NOX4: variants seen among roughly 807,000 people sequenced by gnomAD.
The protein encoded by NOX4 is kidney oxidase-1.
In NOX4, 69 loss-of-function variants were observed where a neutral mutation model predicts 87.6. The ratio of observed to expected loss-of-function variants is 0.79; its 90% CI spans 0.65 to 0.96. The LOEUF is 0.96. NOX4 is among the 40% of genes least tolerant of loss of function. The pLI is 0.00. For missense variants in NOX4, 680 were observed against 681.5 expected, an observed-to-expected ratio of 1.00 and a Z score of 0.02; for synonymous variants, 275 against 238.2, an observed-to-expected ratio of 1.15 and a Z score of -1.42.
At chr11:89,523,269 G>T in the NOX4 span, among the ~76,000 whole-genome samples, 2 of 152,050 alleles carry the variant, frequency 1.3e-5, no homozygotes, top group Non-Finnish European at 1.5e-5. Context: ...TAATCCTCCC[G>T]CCTCAGCCTC....
chr11:89,382,512 A>T (rs142396591), intron 11 of NOX4, among the ~76,000 whole-genome samples: 2,968 of 151,982 alleles, frequency 0.02, 81 homozygotes, highest in East Asian at 0.13. Flanking sequence ...TCTGTTCCCA[A>T]TGCGACTCAT....
chr11:89,398,642 T>A (rs551413830), intron 11 of NOX4, among the ~76,000 whole-genome samples: 238 of 151,046 alleles, frequency 1.6e-3, no homozygotes, highest in African/African-American at 5.5e-3. Flanking sequence ...GAACATGTTT[T>A]ACAACATGCT....
intron 2 of NOX4, among the ~76,000 whole-genome samples, chr11:89,471,068 C>G (rs1156514067): frequency 6.6e-6 from 1 of 152,178 alleles, no homozygotes; most frequent in Non-Finnish European, 1.5e-5. Flanking sequence ...GCCCATATCC[C>G]TATCTCCACC....
the NOX4 span, among the ~76,000 whole-genome samples, chr11:89,519,863 T>C: frequency 6.6e-6 from 1 of 152,088 alleles, no homozygotes; most frequent in Admixed American, 6.6e-5. Flanking sequence ...TTGACCTAAC[T>C]CTTTTCTGCT....
chr11:89,506,561 C>T, the NOX4 span, among the ~76,000 whole-genome samples: 2 of 151,480 alleles, frequency 1.3e-5, no homozygotes, highest in African/African-American at 4.8e-5. Flanking sequence ...AAATCATGAT[C>T]TATAAAAGGA....
At chr11:89,556,855 T>C in the NOX4 span, 1 of 152,166 alleles carries the variant, frequency 6.6e-6, no homozygotes, top group African/African-American at 2.4e-5. Flanking sequence ...ATATGAAATC[T>C]CTTGGCACCA....
rs532604726 is a variant in NOX4, at chr11:89,337,573, T to C, written c.1447-58A>G. 3.4e-5 allele frequency: 54 copies of C among 1,594,986 alleles called. No individual in the cohort carries two copies. The East Asian group carries it at 1.1e-3, about 33-fold the overall frequency. On this transcript the variant is annotated intron_variant, in intron 15 of 17. Transcript: ENST00000263317. ...CAATTCTGTGGGTATACTCAGATTT[T>C]CTCCTATTCTAACATACTTGATTCT... is the stretch of plus-strand genomic sequence containing the variant.
Position 89,459,854 on chromosome 11 carries a change from T to A in NOX4, c.154-7959A>T, listed in dbSNP as rs528313317. On this transcript the variant is annotated intron_variant, in intron 2 of 17. Transcript: ENST00000263317. ...CCAAAAAAGAGCCCACAATTCCAAG[T>A]CAATCCTAAGCCAAAAGAACAAAGC... is the stretch of plus-strand genomic sequence containing the variant. Among the ~76,000 whole-genome samples, 106 of 152,202 alleles carry A rather than the reference T, an allele frequency of 7.0e-4. 3 individuals carry two copies. The highest frequency in any genetic ancestry group is 6.8e-3 in the Middle Eastern group (2 of 292).
chr11:89,438,822 A>G (rs1944273795), intron 6 of NOX4, among the ~76,000 whole-genome samples: 1 of 48,454 alleles, frequency 2.1e-5, no homozygotes, highest in Non-Finnish European at 2.9e-5. Context: ...TATATATTAT[A>G]TAATATCTTA....
At chr11:89,424,200 C>T (rs1943247563) in intron 7 of NOX4, among the ~76,000 whole-genome samples, 1 of 151,724 alleles carries the variant, frequency 6.6e-6, no homozygotes, top group Non-Finnish European at 1.5e-5. Context: ...TGTTTTGCTG[C>T]AATCGTAAGT....
chr11:89,586,607 T>C, the NOX4 span, among the ~76,000 whole-genome samples: 1 of 152,114 alleles, frequency 6.6e-6, no homozygotes, highest in Admixed American at 6.6e-5. Flanking sequence ...GAAGCTGAAG[T>C]TTAGTGGTAT....
intron 7 of NOX4, among the ~76,000 whole-genome samples, chr11:89,430,442 C>A (rs112747914): frequency 6.6e-6 from 1 of 152,144 alleles, no homozygotes; most frequent in Admixed American, 6.6e-5. Context: ...AAGGATTGTA[C>A]ATTTAGAAAA....
At position 89,451,768 on chromosome 11, in the gene NOX4, G is replaced by A. The variant is rs367745519; in HGVS notation, c.264+17C>T. The A allele has an allele frequency of 8.6e-6, 13 of 1,512,344 alleles. No homozygotes were observed. In the African/African-American group the frequency reaches 1.1e-4, roughly 13 times the overall value. The allele number at this position is 1,512,344 out of a possible 1,614,324, so 93.7% of individuals were successfully genotyped here. ...ATTTTTATGCTGGAATTTGAAAGTAGGACTGTTTTTTCTTACCTTCTGTGA... is the reference window on the plus strand; with the variant it reads ...ATTTTTATGCTGGAATTTGAAAGTAAGACTGTTTTTTCTTACCTTCTGTGA... On this transcript the variant is annotated intron_variant, in intron 3 of 17. Coordinates refer to ENST00000263317, the MANE Select transcript of NOX4 (RefSeq NM_016931.5).
chr11:89,370,274 T>C (rs1427849644), intron 12 of NOX4, among the ~76,000 whole-genome samples: 1 of 152,000 alleles, frequency 6.6e-6, no homozygotes, highest in Non-Finnish European at 1.5e-5. Context: ...ATGTGATACA[T>C]GCTACAAGTC....
At chr11:89,378,523 T>C (rs1187810076) in intron 11 of NOX4, among the ~76,000 whole-genome samples, 3 of 152,172 alleles carry the variant, frequency 2.0e-5, no homozygotes, top group Non-Finnish European at 2.9e-5. Context: ...AAACTGTAAA[T>C]GTCTTGAGAT....
the NOX4 span, among the ~76,000 whole-genome samples, chr11:89,527,603 T>C: frequency 6.6e-6 from 1 of 152,172 alleles, no homozygotes. Flanking sequence ...GGGGCCAACA[T>C]ATAGCTCAGG....
intron 6 of NOX4, among the ~76,000 whole-genome samples, chr11:89,436,800 A>G (rs539825976): frequency 6.6e-6 from 1 of 152,266 alleles, no homozygotes; most frequent in Non-Finnish European, 1.5e-5. Flanking sequence ...GGAGATATAT[A>G]GTAAGCATTT....
intron 13 of NOX4, among the ~76,000 whole-genome samples, chr11:89,347,594 T>C (rs978507240): frequency 7.9e-5 from 12 of 152,180 alleles, no homozygotes; most frequent in African/African-American, 2.9e-4. Context: ...GATGCTCAGA[T>C]TGCCACTCTC....
the NOX4 span, among the ~76,000 whole-genome samples, chr11:89,566,977 C>T: frequency 1.3e-5 from 2 of 152,172 alleles, no homozygotes; most frequent in African/African-American, 4.8e-5. Context: ...GGGCTGGGAA[C>T]TGGGGGGTGT....
Sources: gnomAD v4.1 joint callset for allele counts (sites outside exome capture counted in the v4.1 genomes callset) on GRCh38, gnomAD v4.1.1 for gene constraint, MANE v1.5 for transcripts, NCBI Gene and HGNC (gene_info 2026-07-23, HGNC 2026-07-21) for gene names.